Variants in NIN observed in about 807,000 individuals in gnomAD.
NIN encodes glycogen synthase kinase 3 beta-interacting protein.
Under a neutral mutation model 257.6 loss-of-function variants are expected in NIN, and 137 were observed. That is an observed-to-expected ratio of 0.53 (90% CI 0.46 to 0.61). The LOEUF (loss-of-function observed/expected upper bound fraction) is 0.61, where lower values mean the gene tolerates loss of function less well. Ranked by LOEUF, NIN falls within the 20% of genes least tolerant of loss-of-function variation. The pLI, the probability that NIN is intolerant of heterozygous loss-of-function variation, is 0.00. For missense variants in NIN, 2,439 were observed against 2,501.2 expected (o/e 0.98, Z 0.53); for synonymous variants, 918 against 919.8 (o/e 1.00, Z 0.04).
intron 6 of NIN, among the ~76,000 whole-genome samples, chr14:50,777,963 T>G (rs1004450467): frequency 1.3e-5 from 2 of 152,178 alleles, no homozygotes; most frequent in African/African-American, 2.4e-5. Context: ...GTGACAGGAA[T>G]TAAGCCCATT....
intron 30 of NIN, 176 bp downstream of exon 30, chr14:50,725,777 G>T (rs75764688): frequency 8.9e-7 from 1 of 1,121,966 alleles, no homozygotes; most frequent in Non-Finnish European, 1.3e-6. Context: ...TACAGAGTTC[G>T]TATTTTTTGG....
chr14:50,744,211 C>T (rs200408468), intron 23 of NIN, 32 bp downstream of exon 23: 59 of 1,608,568 alleles, frequency 3.7e-5, no homozygotes, highest in African/African-American at 8.0e-5. Flanking sequence ...GTATTGTATA[C>T]GATGATGGTA....
At position 50,721,511 on chromosome 14, in the gene NIN, T is replaced by G. The variant is rs1482017179; in HGVS notation, c.*1952A>C. On this transcript the variant is annotated 3_prime_UTR_variant, in exon 31 of 31. Coordinates refer to ENST00000530997, the MANE Select transcript of NIN (RefSeq NM_020921.4). Reference sequence around the variant, plus strand: ...TATCACATAAATACACTACAGGTACTTAGTTTATTTTTGTCCTTAGCCTAG... The same window carrying G: ...TATCACATAAATACACTACAGGTACGTAGTTTATTTTTGTCCTTAGCCTAG... 1 of 217,198 alleles carries G rather than the reference T, an allele frequency of 4.6e-6. No homozygotes were observed. The highest frequency in any genetic ancestry group is 9.3e-6 in the Non-Finnish European group (1 of 107,716). The allele number at this position is 217,198 out of a possible 1,614,324, so 13.5% of individuals were successfully genotyped here.
At chr14:50,787,611 C>A (rs1023184664) in intron 5 of NIN, among the ~76,000 whole-genome samples, 9 of 152,082 alleles carry the variant, frequency 5.9e-5, no homozygotes, top group African/African-American at 2.2e-4. Flanking sequence ...CGAAAATGAT[C>A]CCATAAAAAA....
intron 4 of NIN, among the ~76,000 whole-genome samples, chr14:50,804,882 G>C (rs929915941): frequency 2.0e-5 from 3 of 152,078 alleles, no homozygotes; most frequent in African/African-American, 7.2e-5. Flanking sequence ...ATTCAAAACT[G>C]TCCTAGGCCA....
chr14:50,743,854 C>T (rs2041408455), intron 23 of NIN, among the ~76,000 whole-genome samples: 1 of 152,014 alleles, frequency 6.6e-6, no homozygotes, highest in Non-Finnish European at 1.5e-5. Flanking sequence ...CAGAATATCT[C>T]TTAAGGCAGG....
intron 5 of NIN, among the ~76,000 whole-genome samples, chr14:50,780,384 C>T (rs1263065873): frequency 2.0e-5 from 3 of 152,116 alleles, no homozygotes; most frequent in Admixed American, 6.5e-5. Context: ...GCTTAGAATC[C>T]GAAAATAAAC....
Position 50,737,038 on chromosome 14 carries a change from C to T in NIN, c.5775+1102G>A, listed in dbSNP as rs1305189593. Among the ~76,000 whole-genome samples the T allele has an allele frequency of 2.6e-5, 4 of 152,308 alleles. No individual in the cohort carries two copies. The South Asian group carries it at 8.3e-4, about 32-fold the overall frequency. ...TCCAAGAGGCCTCAAAGAGCCCCAC[C>T]TCCGGGTATTCACACCCTTATACAG... On this transcript the variant is annotated intron_variant, in intron 27 of 30. Transcript: ENST00000530997.
At position 50,737,442 on chromosome 14, in the gene NIN, G is replaced by T. The variant is rs137989022; in HGVS notation, c.5775+698C>A. Among the ~76,000 whole-genome samples, 1,695 of 120,040 alleles carry T rather than the reference G, an allele frequency of 0.014. 118 individuals carry two copies. In the Admixed American group the frequency reaches 0.16, roughly 11 times the overall value. The allele number at this position is 120,040 out of a possible 152,430, so 78.8% of individuals were successfully genotyped here. A position where few individuals can be genotyped will look rare whatever the true frequency, so the allele number is the denominator to read the frequency against. On this transcript the variant is annotated intron_variant, in intron 27 of 30. Coordinates refer to ENST00000530997, the MANE Select transcript of NIN (RefSeq NM_020921.4). The stretch of plus-strand genomic sequence containing the variant: ...TGGACCACCCAGCTAAGCTGCTTCT[G>T]AAATCCTGACTTGCAGATAAGACAA...
In NIN at chr14:50,760,354, G is replaced by A; in HGVS notation, c.1902C>T (p.Arg634=). ...CLRLELEDKV[R]HYEKQLDETV... ...TTTCGTCCAGCTGCTTTTCATAATG[G>A]CGCACCTGAAGGCACAGAGTGACAC... The change falls in exon 17 of 31, where the codon CGC becomes CGT. Residue 634 remains arginine (R), a synonymous_variant. Coordinates refer to ENST00000530997, the MANE Select transcript of NIN (RefSeq NM_020921.4). 6.2e-7 allele frequency: 1 copy of A among 1,602,158 alleles called. No individual in the cohort carries two copies. The highest frequency in any genetic ancestry group is 8.5e-7 in the Non-Finnish European group (1 of 1,178,818).
At chr14:50,801,596 T>C (rs1308390468) in intron 4 of NIN, among the ~76,000 whole-genome samples, 1 of 152,320 alleles carries the variant, frequency 6.6e-6, no homozygotes, top group Admixed American at 6.5e-5. Context: ...CCTCTGAACA[T>C]AGTTATAAAC....
At chr14:50,735,842 C>T (rs908222265) in intron 27 of NIN, among the ~76,000 whole-genome samples, 2 of 152,146 alleles carry the variant, frequency 1.3e-5, no homozygotes, top group Admixed American at 1.3e-4. Flanking sequence ...AGGCAGCTGG[C>T]TTTTAAACTT....
chr14:50,757,692 G>A lies in NIN; in HGVS notation c.3338C>T (p.Thr1113Ile). ...TTCCGCAGTATTTCCAAAAAACTCA[G>A]TAGCTGGCTCATCCAAACAAGAAGA... The part of the protein sequence containing the change: ...VMSSCLDEPA[T>I]EFFGNTAEQT... The change falls in exon 18 of 31, where the codon ACT becomes ATT. Residue 1113 changes from threonine to isoleucine, a missense_variant. This residue lies in a region of NIN where 2,043 missense variants were observed against 2,050.2 expected (regional missense o/e 1.00). Coordinates refer to ENST00000530997, the MANE Select transcript of NIN (RefSeq NM_020921.4). 2 of 1,614,162 alleles carry A rather than the reference G, an allele frequency of 1.2e-6. No homozygotes were observed. Among genetic ancestry groups the A allele is most frequent in the Non-Finnish European group, 1.7e-6 (2 of 1,180,028 alleles).
chr14:50,727,726 A>G (rs1566773355), intron 29 of NIN: 1 of 1,432,572 alleles, frequency 7.0e-7, no homozygotes, highest in South Asian at 1.1e-5. Context: ...ATCTGCGTGC[A>G]CTGCTCGCTG....
At position 50,725,934 on chromosome 14, in the gene NIN, G is replaced by A. The variant is rs1199242594; in HGVS notation, c.6192+19C>T. On this transcript the variant is annotated intron_variant, in intron 30 of 30. Transcript: ENST00000530997. ...CTGGAATGTGAGGTGGGTGAACAGA[G>A]ATGACCGGGTAGGCTCACTTGTTCT... The A allele has an allele frequency of 2.5e-6, 4 of 1,614,086 alleles. No homozygotes were observed. The highest frequency in any genetic ancestry group is 2.5e-6 in the Non-Finnish European group (3 of 1,179,948).
At chr14:50,725,811 C>A in intron 30 of NIN, 142 bp downstream of exon 30, 1 of 1,487,080 alleles carries the variant, frequency 6.7e-7, no homozygotes, top group Non-Finnish European at 9.1e-7. Context: ...ATAGCAAATC[C>A]TAAGTTCTTA....
intron 4 of NIN, among the ~76,000 whole-genome samples, chr14:50,802,562 T>G (rs1430659862): frequency 6.6e-6 from 1 of 152,206 alleles, no homozygotes; most frequent in Non-Finnish European, 1.5e-5. Flanking sequence ...TACTATGCAT[T>G]TGTCCTTGGG....
intron 4 of NIN, among the ~76,000 whole-genome samples, chr14:50,803,437 C>G (rs1031768953): frequency 6.6e-6 from 1 of 152,238 alleles, no homozygotes; most frequent in Admixed American, 6.5e-5. Context: ...GCAGAGGACA[C>G]AGGCATCCCT....
chr14:50,827,413 A>T (rs911171186), intron 2 of NIN, among the ~76,000 whole-genome samples: 10 of 152,132 alleles, frequency 6.6e-5, no homozygotes, highest in African/African-American at 2.4e-4. Context: ...AAAATATAAC[A>T]CGAAAGCTTA....
Sources: gnomAD v4.1 joint callset for allele counts (sites outside exome capture counted in the v4.1 genomes callset) on GRCh38, gnomAD v4.1.1 for gene constraint, gnomAD v4.1.1 regional missense constraint, MANE v1.5 for transcripts, NCBI Gene and HGNC (gene_info 2026-07-23, HGNC 2026-07-21) for gene names.